Variants in CR1L observed in about 807,000 individuals in gnomAD.
CR1L encodes the protein complement component receptor 1-like protein.
In CR1L, 59 loss-of-function variants were observed where a neutral mutation model predicts 62.3. That is an observed-to-expected ratio of 0.95 (90% CI 0.77 to 1.18). The LOEUF is 1.18. CR1L is among the 50% of genes most tolerant of loss of function. The probability of loss-of-function intolerance (pLI) is 0.00; values close to 1 mark genes in which losing one functional copy is unlikely to be tolerated. For synonymous variants in CR1L, 279 were observed against 248.7 expected (o/e 1.12, Z -1.15); for missense variants, 700 against 702.8 (o/e 1.00, Z 0.04).
intron 9 of CR1L, among the ~76,000 whole-genome samples, chr1:207,702,888 G>C (rs1475546349): frequency 6.6e-6 from 1 of 152,152 alleles, no homozygotes; most frequent in East Asian, 1.9e-4. Context: ...TTCAAGACCA[G>C]CCTGACCAAT....
intron 1 of CR1L, among the ~76,000 whole-genome samples, chr1:207,676,399 C>CCACCTCCTGTCAGAT (rs1663693219): frequency 1.3e-5 from 2 of 152,214 alleles, no homozygotes; most frequent in East Asian, 3.9e-4. Flanking sequence ...TGCCTGAGCT[C>CCACCTCCTGTCAGAT]CACCTCCTGT....
intron 1 of CR1L, among the ~76,000 whole-genome samples, chr1:207,651,193 G>A (rs114970589): frequency 0.018 from 2,690 of 152,132 alleles, 70 homozygotes; most frequent in African/African-American, 0.061. Context: ...TAGTATTGTA[G>A]CTTAATATTA....
rs868792226 is a variant in CR1L, at chr1:207,670,534, C to T, written c.98-6855C>T. On this transcript the variant is annotated intron_variant, in intron 1 of 11. Transcript: ENST00000508064. Reference sequence around the variant, plus strand: ...CTTCTTGGTTGCCTAGACTCACTGGCAACATCTCACTTGAAGTGACAGTTT... The same window carrying T: ...CTTCTTGGTTGCCTAGACTCACTGGTAACATCTCACTTGAAGTGACAGTTT... Among the ~76,000 whole-genome samples the T allele has an allele frequency of 2.0e-5, 3 of 150,974 alleles. No homozygotes were observed. The South Asian group carries it at 6.2e-4, about 31-fold the overall frequency.
At chr1:207,656,711 T>G (rs1332151165) in intron 1 of CR1L, among the ~76,000 whole-genome samples, 1 of 151,942 alleles carries the variant, frequency 6.6e-6, no homozygotes, top group Non-Finnish European at 1.5e-5. Flanking sequence ...TTGCGCACTT[T>G]TAAATAACCA....
chr1:207,712,757 C>T (rs927286152), intron 10 of CR1L, among the ~76,000 whole-genome samples: 4 of 152,176 alleles, frequency 2.6e-5, no homozygotes, highest in African/African-American at 9.6e-5. Flanking sequence ...TTTATTTTTT[C>T]TTCTCGTGAA....
chr1:207,703,560 T>A lies in CR1L; in HGVS notation c.1328+1942T>A, dbSNP rs184871379. Among the ~76,000 whole-genome samples, 26 of 152,348 alleles carry A rather than the reference T, an allele frequency of 1.7e-4. 1 individual carries two copies. The highest frequency in any genetic ancestry group is 1.2e-3 in the Admixed American group (19 of 15,304). On this transcript the variant is annotated intron_variant, in intron 9 of 11. Coordinates refer to ENST00000508064, the MANE Select transcript of CR1L (RefSeq NM_175710.2). ...ACTTTGTATCCAATCAGGCAAGAGC[T>A]CTGATGGAGATGGACAAGGAGATGC...
At chr1:207,658,222 TA>T (rs1404087947) in intron 1 of CR1L, among the ~76,000 whole-genome samples, 5 of 143,470 alleles carry the variant, frequency 3.5e-5, no homozygotes, top group African/African-American at 1.3e-4. Context: ...CTTAAGAAAC[TA>T]AAAAAGAAGA....
At chr1:207,646,901 T>C (rs1206303608) in intron 1 of CR1L, among the ~76,000 whole-genome samples, 2 of 152,212 alleles carry the variant, frequency 1.3e-5, no homozygotes, top group Non-Finnish European at 2.9e-5. Flanking sequence ...GATTGTACGT[T>C]GCATTTCTTC....
chr1:207,690,074 T>A (rs1203172537), intron 4 of CR1L, among the ~76,000 whole-genome samples: 1 of 152,056 alleles, frequency 6.6e-6, no homozygotes, highest in Non-Finnish European at 1.5e-5. Context: ...TTAACTTTCT[T>A]GTTTTTTCTT....
chr1:207,708,996 T>C (rs1664312027), intron 10 of CR1L: 2 of 327,210 alleles, frequency 6.1e-6, no homozygotes, highest in Non-Finnish European at 1.2e-5. Context: ...ATCCAGTTAT[T>C]TGTATTACTT....
chr1:207,669,231 C>A (rs1467529542), intron 1 of CR1L: 5 of 402,470 alleles, frequency 1.2e-5, no homozygotes, highest in Admixed American at 1.2e-4. Context: ...GCTCTGCCAG[C>A]GAAACTCGTT....
At chr1:207,705,830 G>A (rs772053293) in intron 9 of CR1L, among the ~76,000 whole-genome samples, 16 of 151,886 alleles carry the variant, frequency 1.1e-4, no homozygotes, top group South Asian at 2.1e-4. Context: ...TTACAAAAGA[G>A]ATTTACTGCC....
chr1:207,647,221 C>T (rs367624772), intron 1 of CR1L, among the ~76,000 whole-genome samples: 1 of 152,190 alleles, frequency 6.6e-6, no homozygotes, highest in East Asian at 1.9e-4. Context: ...TTTCTGACAG[C>T]ATTTAACAAA....
intron 11 of CR1L, 47 bp downstream of exon 11, chr1:207,717,738 G>A (rs1558027569): frequency 1.3e-6 from 2 of 1,594,354 alleles, no homozygotes; most frequent in African/African-American, 1.3e-5. Flanking sequence ...GAATATGTAG[G>A]TGAGAACCTT....
intron 1 of CR1L, among the ~76,000 whole-genome samples, chr1:207,661,562 T>C: frequency 6.6e-6 from 1 of 152,224 alleles, no homozygotes; most frequent in Non-Finnish European, 1.5e-5. Context: ...ATGGGTTTCC[T>C]GAAAACAGCA....
chr1:207,683,072 CTTTCTTTCTT>C (rs1558017952), intron 3 of CR1L, among the ~76,000 whole-genome samples: 1 of 144,310 alleles, frequency 6.9e-6, no homozygotes, highest in African/African-American at 2.6e-5. Flanking sequence ...CTTTCTTTCT[CTTTCTTTCTT>C]TCTCTCTTTC....
intron 1 of CR1L, among the ~76,000 whole-genome samples, chr1:207,650,573 T>A (rs1479221996): frequency 6.6e-6 from 1 of 152,222 alleles, no homozygotes; most frequent in Non-Finnish European, 1.5e-5. Flanking sequence ...TCAGAGTTTA[T>A]GTTTTGTGGA....
chr1:207,704,242 C>A (rs930402007), intron 9 of CR1L, among the ~76,000 whole-genome samples: 2 of 152,158 alleles, frequency 1.3e-5, no homozygotes, highest in East Asian at 3.9e-4. Context: ...GTAGCAAGAA[C>A]ACTACAATTA....
intron 4 of CR1L, among the ~76,000 whole-genome samples, chr1:207,692,606 T>C (rs923894446): frequency 2.2e-4 from 34 of 152,188 alleles, no homozygotes; most frequent in Admixed American, 7.9e-4. Flanking sequence ...TGTGCCTGCT[T>C]TCTTTAAACT....
Sources: gnomAD v4.1 joint callset for allele counts (sites outside exome capture counted in the v4.1 genomes callset) on GRCh38, gnomAD v4.1.1 for gene constraint, MANE v1.5 for transcripts, NCBI Gene and HGNC (gene_info 2026-07-23, HGNC 2026-07-21) for gene names.